KLF15: variants seen among roughly 807,000 people sequenced by gnomAD.
The protein encoded by KLF15 is KLF transcription factor 15.
A neutral mutation model predicts 24.6 loss-of-function variants in KLF15; 4 were observed. The observed-to-expected ratio is 0.16, with a 90% CI of 0.08 to 0.37. The LOEUF (loss-of-function observed/expected upper bound fraction) is 0.37, where lower values mean the gene tolerates loss of function less well. KLF15 is among the 10% of genes least tolerant of loss of function. KLF15 has a pLI of 1.00. For missense variants in KLF15, 496 were observed against 560.6 expected (o/e 0.88, Z 1.16); for synonymous variants, 246 against 236.3 (o/e 1.04, Z -0.37).
At chr3:126,348,749 C>T (rs1385964636) in intron 2 of KLF15, among the ~76,000 whole-genome samples, 28 of 152,192 alleles carry the variant, frequency 1.8e-4, no homozygotes, top group Admixed American at 1.1e-3. Context: ...GGGAGGCCAG[C>T]GTGGCTGGAT....
rs375294713 is a variant in KLF15 at position 126,355,646 on chromosome 3, A to G, written c.-26+1591T>C. Among the ~76,000 whole-genome samples, 11 of 152,376 alleles carry G rather than the reference A, an allele frequency of 7.2e-5. No individual in the cohort carries two copies. In the East Asian group the frequency reaches 1.5e-3, roughly 21 times the overall value. Reference sequence around the variant, plus strand: ...CCTCCCTGTCTACCTTCCCATCAGAATATCAGCTGTCCTGACTGTTCACTC... The same window carrying G: ...CCTCCCTGTCTACCTTCCCATCAGAGTATCAGCTGTCCTGACTGTTCACTC... On this transcript the variant is annotated intron_variant, in intron 1 of 2. Coordinates refer to ENST00000296233, the MANE Select transcript of KLF15 (RefSeq NM_014079.4).
At chr3:126,320,290 A>C in the KLF15 span, among the ~76,000 whole-genome samples, 2 of 152,154 alleles carry the variant, frequency 1.3e-5, no homozygotes, top group African/African-American at 4.8e-5. Flanking sequence ...TGGATTTGTA[A>C]AATCTTCTGG....
the KLF15 span, among the ~76,000 whole-genome samples, chr3:126,289,749 G>A: frequency 1.3e-5 from 2 of 152,270 alleles, no homozygotes; most frequent in Admixed American, 1.3e-4. Context: ...TTCCGTTTGT[G>A]ACTGAAATTG....
At position 126,352,930 on chromosome 3, in the gene KLF15, T is replaced by C; in HGVS notation, c.-8A>G. ...AAGTAAGTGGTCCACCATGCTGGCC[T>C]GGCCGTGCCGGTGGCGGCTGCAGGA... On this transcript the variant is annotated 5_prime_UTR_variant, in exon 2 of 3. Coordinates refer to ENST00000296233, the MANE Select transcript of KLF15 (RefSeq NM_014079.4). 1 of 1,589,240 alleles carries C rather than the reference T, an allele frequency of 6.3e-7. No homozygotes were observed. Among genetic ancestry groups the C allele is most frequent in the Non-Finnish European group, 8.6e-7 (1 of 1,166,520 alleles).
At chr3:126,299,197 T>C in the KLF15 span, among the ~76,000 whole-genome samples, 2 of 144,792 alleles carry the variant, frequency 1.4e-5, no homozygotes, top group East Asian at 4.0e-4. Flanking sequence ...TGGTTAAGTA[T>C]ATTCCTAAGT....
chr3:126,342,378 G>A (rs1242641378), downstream of KLF15, among the ~76,000 whole-genome samples: 2 of 152,228 alleles, frequency 1.3e-5, no homozygotes, highest in African/African-American at 2.4e-5. Context: ...GGTGCTGTCG[G>A]AATGTGGGCT....
chr3:126,318,549 C>T, the KLF15 span, among the ~76,000 whole-genome samples: 24 of 152,256 alleles, frequency 1.6e-4, no homozygotes, highest in African/African-American at 4.3e-4. Context: ...GGGGATAAAA[C>T]GTCAGTGTTG....
At position 126,352,683 on chromosome 3, in the gene KLF15, T is replaced by C; in HGVS notation, c.240A>G (p.Leu80=). The C allele has an allele frequency of 6.3e-7, 1 of 1,595,934 alleles. No homozygotes were observed. The highest frequency in any genetic ancestry group is 8.5e-7 in the Non-Finnish European group (1 of 1,171,632). The change falls in exon 2 of 3, where the codon CTA becomes CTG. Residue 80 remains leucine (L), a synonymous_variant. Coordinates refer to ENST00000296233, the MANE Select transcript of KLF15 (RefSeq NM_014079.4). ...CACTGCCCAGCGTGGCCTGGGACAATAGGAAGTCCAAGATGCTGTCCTGGC... is the reference window on the plus strand; with the variant it reads ...CACTGCCCAGCGTGGCCTGGGACAACAGGAAGTCCAAGATGCTGTCCTGGC... The part of the protein sequence containing the change: ...TESQDSILDF[L]LSQATLGSGG...
rs1222844475 is a variant in KLF15 at position 126,352,810 on chromosome 3, G to A, written c.113C>T (p.Pro38Leu). The stretch of plus-strand genomic sequence containing the variant: ...GGCATCGCTGTCATCTTCAGAGACG[G>A]GTGAGGGCAGCATGTGATATGCCCG... The part of the protein sequence containing the change: ...GRRAYHMLPS[P>L]VSEDDSDASS... Residue 38 changes from proline (P) to leucine (L), a missense_variant, in exon 2 of 3, where the codon CCC becomes CTC. This residue lies in a region of KLF15 where 399 missense variants were observed against 423.1 expected (regional missense o/e 0.94). Transcript: ENST00000296233. 11 of 1,599,786 alleles carry A rather than the reference G, an allele frequency of 6.9e-6. No individual in the cohort carries two copies. In the East Asian group the frequency reaches 2.3e-4, roughly 33 times the overall value.
At position 126,352,909 on chromosome 3, in the gene KLF15, A is replaced by G; in HGVS notation, c.14T>C (p.Leu5Ser). Residue 5 changes from leucine to serine, a missense_variant, in exon 2 of 3, where the codon TTA becomes TCA. Physicochemically the swap from Leu to Ser is moderately radical, Grantham distance 145. Around this residue, in one of 3 missense-constraint regions of KLF15, gnomAD observed 399 missense variants for 423.1 expected, o/e 0.94. Transcript: ENST00000296233. MVDHLLPVDENFSSP... is the reference protein window; with the variant it reads MVDHSLPVDENFSSP... The stretch of plus-strand genomic sequence containing the variant: ...CGAGAAGTTCTCGTCCACTGGAAGT[A>G]AGTGGTCCACCATGCTGGCCTGGCC... 1.9e-6 allele frequency: 3 copies of G among 1,606,834 alleles called. No homozygotes were observed. Among genetic ancestry groups the G allele is most frequent in the Non-Finnish European group, 2.6e-6 (3 of 1,176,382 alleles).
the KLF15 span, among the ~76,000 whole-genome samples, chr3:126,298,982 G>A: frequency 1.3e-5 from 2 of 152,042 alleles, no homozygotes; most frequent in African/African-American, 2.4e-5. Context: ...TTTTAGGATT[G>A]TTTTTTCTAC....
the KLF15 span, among the ~76,000 whole-genome samples, chr3:126,288,628 C>T: frequency 1.3e-5 from 2 of 152,234 alleles, no homozygotes; most frequent in Admixed American, 6.5e-5. Context: ...CCTTAGTCCT[C>T]CCTGGACAGA....
At chr3:126,357,047 C>A (rs1484229853) in intron 1 of KLF15, among the ~76,000 whole-genome samples, 190 bp downstream of exon 1, 1 of 151,588 alleles carries the variant, frequency 6.6e-6, no homozygotes, top group African/African-American at 2.4e-5. Flanking sequence ...GGGGTCACCT[C>A]CCCCGGGCCA....
chr3:126,345,164 C>T (rs2082523737), intron 2 of KLF15, among the ~76,000 whole-genome samples: 1 of 152,224 alleles, frequency 6.6e-6, no homozygotes, highest in South Asian at 2.1e-4. Flanking sequence ...ATGTCACTTC[C>T]TTAGGAAATC....
the KLF15 span, among the ~76,000 whole-genome samples, chr3:126,302,758 C>CTTT: frequency 1.2e-3 from 178 of 152,170 alleles, 2 homozygotes; most frequent in African/African-American, 4.2e-3. Context: ...TATCTTTTCC[C>CTTT]ATCCTCCTAC....
chr3:126,347,323 C>T (rs139831129), intron 2 of KLF15, among the ~76,000 whole-genome samples: 1 of 152,160 alleles, frequency 6.6e-6, no homozygotes, highest in African/African-American at 2.4e-5. Context: ...ATACTGGGGG[C>T]CTCTGCCTAC....
At chr3:126,335,375 C>A in the KLF15 span, among the ~76,000 whole-genome samples, 55 of 131,600 alleles carry the variant, frequency 4.2e-4, no homozygotes, top group Non-Finnish European at 6.3e-4. Context: ...ATTCAACAAC[C>A]CTTCATGCTA....
the KLF15 span, among the ~76,000 whole-genome samples, chr3:126,298,720 G>A: frequency 6.6e-6 from 1 of 152,024 alleles, no homozygotes; most frequent in Non-Finnish European, 1.5e-5. Context: ...TGTTGAACAG[G>A]GTGTCCTTTC....
chr3:126,291,611 G>A, the KLF15 span, among the ~76,000 whole-genome samples: 2 of 152,246 alleles, frequency 1.3e-5, no homozygotes, highest in Admixed American at 6.5e-5. Flanking sequence ...AGGAGGCCGG[G>A]GCTGCCACTC....
Sources: allele counts gnomAD v4.1 joint callset (sites outside exome capture counted in the v4.1 genomes callset), GRCh38; gene constraint gnomAD v4.1.1; regional missense constraint gnomAD v4.1.1; transcripts MANE v1.5; gene names NCBI Gene and HGNC (gene_info 2026-07-23, HGNC 2026-07-21).